Variants in ADAMTS18 observed in about 807,000 individuals in gnomAD.
ADAMTS18 encodes the protein A disintegrin and metalloproteinase with thrombospondin motifs 18.
Under a neutral mutation model 165.9 loss-of-function variants are expected in ADAMTS18, and 157 were observed. The observed-to-expected ratio is 0.95, with a 90% CI of 0.83 to 1.08. ADAMTS18 has a LOEUF of 1.08. Ranked by LOEUF, ADAMTS18 falls within the 50% of genes least tolerant of loss-of-function variation. ADAMTS18 has a pLI of 0.00. For synonymous variants in ADAMTS18, 782 were observed against 578.2 expected (o/e 1.35, Z -5.06); for missense variants, 2,040 against 1,534.0 (o/e 1.33, Z -5.51).
At chr16:77,295,755 C>T (rs28676787) in intron 18 of ADAMTS18, among the ~76,000 whole-genome samples, 4 of 152,076 alleles carry the variant, frequency 2.6e-5, no homozygotes, top group African/African-American at 9.7e-5. Context: ...TAAATACCTA[C>T]CTTCATTTTC....
intron 16 of ADAMTS18, among the ~76,000 whole-genome samples, chr16:77,310,716 C>G (rs2055764988): frequency 6.6e-6 from 1 of 152,034 alleles, no homozygotes; most frequent in Non-Finnish European, 1.5e-5. Flanking sequence ...CAGTCTCAGC[C>G]TCCTGGGTTC....
Position 77,312,948 on chromosome 16 carries a change from A to G in ADAMTS18, c.2532+6901T>C, listed in dbSNP as rs145805157. 1.6e-4 allele frequency among the ~76,000 whole-genome samples: 25 copies of G among 152,326 alleles called. No individual in the cohort carries two copies. In the East Asian group the frequency reaches 4.6e-3, roughly 28 times the overall value. On this transcript the variant is annotated intron_variant, in intron 16 of 22. Transcript: ENST00000282849. The stretch of plus-strand genomic sequence containing the variant: ...ACCCCGCAATCCCATTACTGGGTAT[A>G]TACCCAAAGGATTATAAATCATGCT...
chr16:77,297,428 C>G lies in ADAMTS18; in HGVS notation c.2675-13G>C. 11 of 1,608,676 alleles carry G rather than the reference C, an allele frequency of 6.8e-6. No individual in the cohort carries two copies. The highest frequency in any genetic ancestry group is 9.4e-6 in the Non-Finnish European group (11 of 1,175,218). The stretch of plus-strand genomic sequence containing the variant: ...ACATTTATGTAACCTGGTAAGACAT[C>G]AGAAGTGACAAAGTGAAAATTACAG... On this transcript the variant is annotated splice_polypyrimidine_tract_variant and intron_variant, in intron 17 of 22. Coordinates refer to ENST00000282849, the MANE Select transcript of ADAMTS18 (RefSeq NM_199355.4).
chr16:77,366,185 C>T (rs8044972), intron 4 of ADAMTS18, among the ~76,000 whole-genome samples: 57,070 of 152,058 alleles, frequency 0.38, 13,286 homozygotes, highest in African/African-American at 0.63. Context: ...TGGTATCCAA[C>T]TTGGCGCACA....
Position 77,283,720 on chromosome 16 carries a change from T to A in ADAMTS18, c.*236A>T. 5.8e-6 allele frequency: 3 copies of A among 514,322 alleles called. No individual in the cohort carries two copies. In the South Asian group the frequency reaches 6.3e-5, roughly 11 times the overall value. The allele number at this position is 514,322 out of a possible 1,614,324, so 31.9% of individuals were successfully genotyped here. On this transcript the variant is annotated 3_prime_UTR_variant, in exon 23 of 23. Coordinates refer to ENST00000282849, the MANE Select transcript of ADAMTS18 (RefSeq NM_199355.4). ...AACAGTGCAAATCAAAGATTTTTTTTAAAGTCAGATTTGTCATCGCTTCCC... is the reference window on the plus strand; with the variant it reads ...AACAGTGCAAATCAAAGATTTTTTTAAAAGTCAGATTTGTCATCGCTTCCC...
At chr16:77,333,741 A>G (rs2056228781) in intron 12 of ADAMTS18, among the ~76,000 whole-genome samples, 1 of 150,466 alleles carries the variant, frequency 6.6e-6, no homozygotes, top group African/African-American at 2.4e-5. Context: ...GCACATATCC[A>G]TAATTGAACA....
rs750724685 is a variant in ADAMTS18 at position 77,362,265 on chromosome 16, C to G, written c.1057-1G>C. ...CATGATGGTTGATCAATAATCCTCC[C>G]TATGGGAAACCCACACAAATCAAAG... On this transcript the variant is annotated splice_acceptor_variant, in intron 6 of 22. Coordinates refer to ENST00000282849, the MANE Select transcript of ADAMTS18 (RefSeq NM_199355.4). LOFTEE classifies it high-confidence loss of function. 1 of 1,614,088 alleles carries G rather than the reference C, an allele frequency of 6.2e-7. No individual in the cohort carries two copies. The highest frequency in any genetic ancestry group is 8.5e-7 in the Non-Finnish European group (1 of 1,180,010).
intron 13 of ADAMTS18, among the ~76,000 whole-genome samples, chr16:77,324,115 A>C (rs1294775045): frequency 6.6e-6 from 1 of 152,236 alleles, no homozygotes; most frequent in African/African-American, 2.4e-5. Flanking sequence ...GAAAGATGTA[A>C]TGTGATAAAG....
intron 3 of ADAMTS18, among the ~76,000 whole-genome samples, chr16:77,400,565 TC>T (rs1380411885): frequency 6.7e-6 from 1 of 150,080 alleles, no homozygotes; most frequent in Non-Finnish European, 1.5e-5. Context: ...CACTGCAAGC[TC>T]CGCCTCCCGG....
intron 16 of ADAMTS18, among the ~76,000 whole-genome samples, chr16:77,310,897 G>T (rs2144615782): frequency 6.6e-6 from 1 of 152,246 alleles, no homozygotes; most frequent in East Asian, 1.9e-4. Context: ...CAAAGTGCTG[G>T]AATTTTTGCA....
intron 11 of ADAMTS18, among the ~76,000 whole-genome samples, chr16:77,340,472 G>A (rs1273063765): frequency 1.3e-5 from 2 of 152,022 alleles, no homozygotes; most frequent in Admixed American, 6.6e-5. Flanking sequence ...ACTGTGCCCC[G>A]CCTGGACTGT....
At chr16:77,426,071 G>C (rs2057668334) in intron 3 of ADAMTS18, among the ~76,000 whole-genome samples, 2 of 151,750 alleles carry the variant, frequency 1.3e-5, no homozygotes, top group Non-Finnish European at 2.9e-5. Context: ...ACGGGGAGTT[G>C]GTGGGGAGGA....
intron 12 of ADAMTS18, among the ~76,000 whole-genome samples, chr16:77,334,871 T>G (rs2056280309): frequency 1.5e-5 from 2 of 131,168 alleles, no homozygotes; most frequent in Non-Finnish European, 3.1e-5. Flanking sequence ...ATGTACAGTA[T>G]ATGCACTATA....
chr16:77,284,108 G>GTGTC, intron 22 of ADAMTS18, 37 bp from the exon 23 acceptor site: 1 of 1,429,418 alleles, frequency 7.0e-7, no homozygotes, highest in Non-Finnish European at 9.8e-7. Flanking sequence ...GTTGGCTAGG[G>GTGTC]TGTCTATCCT....
At chr16:77,299,606 T>G (rs777327851) in intron 17 of ADAMTS18, among the ~76,000 whole-genome samples, 1 of 152,182 alleles carries the variant, frequency 6.6e-6, no homozygotes, top group Non-Finnish European at 1.5e-5. Flanking sequence ...GGAACTTATT[T>G]TGGGCACTTG....
rs555584297 is a variant in ADAMTS18 at position 77,293,474 on chromosome 16, T to C, written c.3007-216A>G. On this transcript the variant is annotated intron_variant, in intron 19 of 22. Coordinates refer to ENST00000282849, the MANE Select transcript of ADAMTS18 (RefSeq NM_199355.4). ...ATTTGAATTCTTTCTGTAAATTATA[T>C]TGCTAACTGCAAAGAAAGAGACTAG... Among the ~76,000 whole-genome samples the C allele has an allele frequency of 4.6e-5, 7 of 152,136 alleles. No homozygotes were observed. In the South Asian group the frequency reaches 1.5e-3, roughly 32 times the overall value.
chr16:77,375,890 C>CTTTTTTTTTTTTTTT (rs200629744), intron 3 of ADAMTS18, among the ~76,000 whole-genome samples: 8 of 93,904 alleles, frequency 8.5e-5, no homozygotes, highest in East Asian at 2.7e-4. Context: ...TCTTTCTTTC[C>CTTTTTTTTTTTTTTT]TTTTTTTTTT....
intron 3 of ADAMTS18, among the ~76,000 whole-genome samples, chr16:77,394,707 T>C (rs1041151330): frequency 6.6e-6 from 1 of 152,202 alleles, no homozygotes; most frequent in African/African-American, 2.4e-5. Flanking sequence ...TTCAAGAAAG[T>C]ATTTAGCATA....
intron 3 of ADAMTS18, among the ~76,000 whole-genome samples, chr16:77,378,428 A>C (rs7188978): frequency 0.04 from 6,020 of 152,040 alleles, 353 homozygotes; most frequent in African/African-American, 0.13. Context: ...AATGTGCTAA[A>C]AACAGGCTGG....
Sources: allele counts gnomAD v4.1 joint callset (sites outside exome capture counted in the v4.1 genomes callset), GRCh38; gene constraint gnomAD v4.1.1; transcripts MANE v1.5; gene names NCBI Gene and HGNC (gene_info 2026-07-23, HGNC 2026-07-21).